The following EEF2K variants were observed in gnomAD, a reference collection of about 807,000 sequenced individuals.
EEF2K encodes eukaryotic elongation factor 2 kinase.
A neutral mutation model predicts 93.8 loss-of-function variants in EEF2K; 70 were observed. The observed-to-expected ratio is 0.75, with a 90% confidence interval of 0.62 to 0.91. The LOEUF (loss-of-function observed/expected upper bound fraction) is 0.91, where lower values mean the gene tolerates loss of function less well. Among genes scored for constraint, EEF2K ranks in the 40% least tolerant of loss-of-function variants. EEF2K has a pLI of 0.00. For synonymous variants in EEF2K, 376 were observed against 380.8 expected, an observed-to-expected ratio of 0.99 and a Z score of 0.15; for missense variants, 935 against 972.9, an observed-to-expected ratio of 0.96 and a Z score of 0.52.
chr16:22,282,194 T>C (rs1022751868), intron 17 of EEF2K, among the ~76,000 whole-genome samples: 2 of 152,170 alleles, frequency 1.3e-5, no homozygotes, highest in East Asian at 3.8e-4. Flanking sequence ...TGAGACCCTG[T>C]CTCAAAAAAC....
chr16:22,241,784 A>T (rs1201126763), intron 2 of EEF2K, among the ~76,000 whole-genome samples: 1 of 152,028 alleles, frequency 6.6e-6, no homozygotes, highest in Admixed American at 6.6e-5. Flanking sequence ...TAGCTACCAA[A>T]ATAGAAGAAA....
chr16:22,272,436 C>T (rs1192727927), intron 15 of EEF2K, among the ~76,000 whole-genome samples: 1 of 152,166 alleles, frequency 6.6e-6, no homozygotes, highest in East Asian at 1.9e-4. Context: ...CAAAGGACCA[C>T]ATATTGTATG....
chr16:22,256,617 T>C, intron 6 of EEF2K, 131 bp from the exon 7 acceptor site: 1 of 1,026,626 alleles, frequency 9.7e-7, no homozygotes, highest in South Asian at 1.8e-5. Flanking sequence ...GCTCCTACAA[T>C]AGAGAGCTAG....
At chr16:22,278,956 C>G (rs2047666827) in intron 16 of EEF2K, among the ~76,000 whole-genome samples, 2 of 152,130 alleles carry the variant, frequency 1.3e-5, no homozygotes, top group Non-Finnish European at 2.9e-5. Flanking sequence ...AAATTCACAG[C>G]TGTCCCGCAC....
At chr16:22,256,976 G>A in intron 7 of EEF2K, 79 bp downstream of exon 7, 10 of 1,581,712 alleles carry the variant, frequency 6.3e-6, no homozygotes, top group Non-Finnish European at 8.6e-6. Context: ...CCCCTAAAGA[G>A]GAAGGTCCCT....
intron 17 of EEF2K, 72 bp downstream of exon 17, chr16:22,280,448 G>A: frequency 2.2e-6 from 3 of 1,339,944 alleles, no homozygotes; most frequent in Middle Eastern, 2.6e-4. Context: ...CCATTCCACT[G>A]GGAGTTATTT....
chr16:22,221,273 G>A (rs1393351136), intron 1 of EEF2K, among the ~76,000 whole-genome samples: 1 of 152,058 alleles, frequency 6.6e-6, no homozygotes, highest in Non-Finnish European at 1.5e-5. Context: ...GATCACTTGA[G>A]GCTGGAAGTT....
intron 2 of EEF2K, among the ~76,000 whole-genome samples, chr16:22,243,693 TG>T (rs1432606453): frequency 5.3e-5 from 8 of 149,902 alleles, no homozygotes; most frequent in African/African-American, 1.7e-4. Context: ...AGGCCGAGGC[TG>T]GTGGATCACT....
At chr16:22,226,047 G>A in intron 2 of EEF2K, 72 bp downstream of exon 2, 3 of 1,572,900 alleles carry the variant, frequency 1.9e-6, no homozygotes, top group South Asian at 2.4e-5. Context: ...TGGAGTCGCT[G>A]GTTGGGGACT....
At chr16:22,208,579 T>C (rs1291946840) in intron 1 of EEF2K, among the ~76,000 whole-genome samples, 2 of 152,076 alleles carry the variant, frequency 1.3e-5, no homozygotes, top group Non-Finnish European at 2.9e-5. Context: ...TTTTTGTAAC[T>C]GTACAGTACT....
At chr16:22,218,199 TGACTC>T (rs1251631438) in intron 1 of EEF2K, among the ~76,000 whole-genome samples, 2 of 152,200 alleles carry the variant, frequency 1.3e-5, no homozygotes, top group African/African-American at 2.4e-5. Flanking sequence ...CCTGAACACA[TGACTC>T]GAGGGTGGGG....
intron 1 of EEF2K, among the ~76,000 whole-genome samples, chr16:22,208,350 C>T (rs2046884177): frequency 6.6e-6 from 1 of 152,050 alleles, no homozygotes; most frequent in African/African-American, 2.4e-5. Flanking sequence ...TAGGGAGCCC[C>T]CATCTCTACT....
chr16:22,273,722 G>C lies in EEF2K; in HGVS notation c.1861G>C (p.Asp621His). The C allele has an allele frequency of 6.2e-7, 1 of 1,613,992 alleles. No individual in the cohort carries two copies. Among genetic ancestry groups the C allele is most frequent in the Non-Finnish European group, 8.5e-7 (1 of 1,179,948 alleles). ...QSMILVARAF[D>H]SGQNLSPDRC... ...CATGATCCTAGTGGCGCGAGCTTTTGACTCTGGCCAGAACCTCAGCCCGGA... is the reference window on the plus strand; with the variant it reads ...CATGATCCTAGTGGCGCGAGCTTTTCACTCTGGCCAGAACCTCAGCCCGGA... Residue 621 changes from aspartate to histidine, a missense_variant, in exon 16 of 18, where the codon GAC becomes CAC. Transcript: ENST00000263026.
At chr16:22,228,516 A>G (rs1032305183) in intron 2 of EEF2K, among the ~76,000 whole-genome samples, 19 of 152,204 alleles carry the variant, frequency 1.2e-4, no homozygotes, top group Non-Finnish European at 2.4e-4. Flanking sequence ...CAAGGAAAAG[A>G]CAAAGAGACC....
chr16:22,243,325 C>T (rs921854845), intron 2 of EEF2K, among the ~76,000 whole-genome samples: 2 of 149,444 alleles, frequency 1.3e-5, no homozygotes, highest in African/African-American at 4.9e-5. Flanking sequence ...AATCTCGGCT[C>T]ACTACAACCT....
At chr16:22,207,222 G>T (rs2046872208) in intron 1 of EEF2K, among the ~76,000 whole-genome samples, 1 of 152,200 alleles carries the variant, frequency 6.6e-6, no homozygotes, top group Non-Finnish European at 1.5e-5. Flanking sequence ...CGCGGGGGTG[G>T]GGGCCTCCCG....
intron 17 of EEF2K, among the ~76,000 whole-genome samples, chr16:22,280,942 G>A (rs765932116): frequency 6.7e-5 from 10 of 150,358 alleles, no homozygotes; most frequent in Non-Finnish European, 1.2e-4. Context: ...GATTACAGGC[G>A]TGAGCCACCA....
At chr16:22,209,117 C>G (rs960114386) in intron 1 of EEF2K, among the ~76,000 whole-genome samples, 4 of 152,282 alleles carry the variant, frequency 2.6e-5, no homozygotes, top group African/African-American at 9.6e-5. Context: ...CAACCTCTGC[C>G]TCCCAGATTC....
intron 6 of EEF2K, among the ~76,000 whole-genome samples, chr16:22,255,048 G>T (rs1327144716): frequency 6.6e-6 from 1 of 152,088 alleles, no homozygotes; most frequent in Non-Finnish European, 1.5e-5. Context: ...TCCAGCCTGG[G>T]CAACAGCCTG....
Sources: gnomAD v4.1 joint callset for allele counts (sites outside exome capture counted in the v4.1 genomes callset) on GRCh38, gnomAD v4.1.1 for gene constraint, MANE v1.5 for transcripts, NCBI Gene and HGNC (gene_info 2026-07-23, HGNC 2026-07-21) for gene names.